HAVCR2: variants seen among roughly 807,000 people sequenced by gnomAD.
HAVCR2 encodes hepatitis A virus cellular receptor 2.
HAVCR2 carries 13 observed loss-of-function variants against 24.7 expected under a neutral mutation model. That is an observed-to-expected ratio of 0.53 (90% CI 0.34 to 0.84). The LOEUF (loss-of-function observed/expected upper bound fraction) is 0.84. Among genes scored for constraint, HAVCR2 ranks in the 40% least tolerant of loss-of-function variants. HAVCR2 has a pLI of 0.01. For synonymous variants in HAVCR2, 154 were observed against 143.4 expected, an observed-to-expected ratio of 1.07 and a Z score of -0.53; for missense variants, 343 against 371.2, an observed-to-expected ratio of 0.92 and a Z score of 0.62.
chr5:157,093,210 C>T (rs1205756311), intron 5 of HAVCR2, among the ~76,000 whole-genome samples: 1 of 151,612 alleles, frequency 6.6e-6, no homozygotes, highest in Admixed American at 6.6e-5. Flanking sequence ...TCTGAATAAT[C>T]CATTTAACCA....
At chr5:157,097,553 C>T (rs1757109784) in intron 4 of HAVCR2, among the ~76,000 whole-genome samples, 2 of 152,132 alleles carry the variant, frequency 1.3e-5, no homozygotes, top group Admixed American at 1.3e-4. Flanking sequence ...AGACACTGTG[C>T]CCGGCCTCCT....
At chr5:157,104,246 A>G (rs1471355234) in intron 3 of HAVCR2, among the ~76,000 whole-genome samples, 2 of 152,180 alleles carry the variant, frequency 1.3e-5, no homozygotes, top group Non-Finnish European at 2.9e-5. Flanking sequence ...AGGGAAGGTG[A>G]TGGGCTTTAT....
chr5:157,095,200 C>T, intron 5 of HAVCR2, 106 bp downstream of exon 5: 1 of 1,196,830 alleles, frequency 8.4e-7, no homozygotes. Context: ...GGTATTTAGT[C>T]TAATCATCTT....
In HAVCR2 at chr5:157,104,730, C is replaced by A. The variant is rs374195415; in HGVS notation, c.414G>T (p.Pro138=). The change falls in exon 3 of 7, where the codon CCG becomes CCT. Residue 138 remains proline, a synonymous_variant. Transcript: ENST00000307851. ...VIKPAKVTPA[P]TRQRDFTAAF... is the part of the protein sequence containing the mutation. The stretch of plus-strand genomic sequence containing the variant: ...CTGCAGTGAAGTCTCTCTGCCGAGT[C>A]GGTGCAGGGGTGACCTTGGCTAATG... 6.8e-5 allele frequency: 109 copies of A among 1,599,430 alleles called. No homozygotes were observed. Among genetic ancestry groups the A allele is most frequent in the Non-Finnish European group, 8.9e-5 (104 of 1,171,884 alleles).
chr5:157,098,929 GA>G, intron 3 of HAVCR2, 28 bp from the exon 4 acceptor site: 1 of 1,594,822 alleles, frequency 6.3e-7, no homozygotes, highest in South Asian at 1.1e-5. Context: ...GAGAGAGAGA[GA>G]GGAAAAATAG....
chr5:157,103,347 G>T (rs975342215), intron 3 of HAVCR2, among the ~76,000 whole-genome samples: 1 of 148,528 alleles, frequency 6.7e-6, no homozygotes, highest in African/African-American at 2.5e-5. Flanking sequence ...CTCTAGTCTG[G>T]GTGACAGAGC....
chr5:157,089,524 G>A (rs1270492730), intron 5 of HAVCR2, among the ~76,000 whole-genome samples: 4 of 141,362 alleles, frequency 2.8e-5, no homozygotes, highest in African/African-American at 5.2e-5. Flanking sequence ...CAACGAGAGC[G>A]AAACTCCGTC....
chr5:157,096,767 A>G (rs1329447215), intron 4 of HAVCR2, among the ~76,000 whole-genome samples: 4 of 151,910 alleles, frequency 2.6e-5, no homozygotes, highest in Non-Finnish European at 4.4e-5. Flanking sequence ...ACAAGAGCAA[A>G]ACTCCATCTC....
At chr5:157,087,888 G>A (rs1246118409) in intron 6 of HAVCR2, among the ~76,000 whole-genome samples, 2 of 145,094 alleles carry the variant, frequency 1.4e-5, no homozygotes, top group African/African-American at 5.2e-5. Context: ...GGGTGACAGA[G>A]CCAGACTCCG....
chr5:157,089,518 G>A (rs1217835393), intron 5 of HAVCR2, among the ~76,000 whole-genome samples: 4 of 148,292 alleles, frequency 2.7e-5, no homozygotes, highest in East Asian at 4.0e-4. Context: ...CCTGGGCAAC[G>A]AGAGCGAAAC....
chr5:157,087,256 G>T lies in HAVCR2; in HGVS notation c.752C>A (p.Ala251Glu). Residue 251 changes from alanine (A) to glutamate (E), a missense_variant, in exon 7 of 7, where the codon GCA (alanine) becomes GAA (glutamate). By Grantham distance (107) the Ala-to-Glu change is moderately radical (BLOSUM62 -1). Transcript: ENST00000307851. ...GCGAATTCCCTCTGCTACTGCATTT[G>T]CCAATCCTGAGGGAGGGAGGTTGGC... ...SLANLPPSGL[A>E]NAVAEGIRSE... The T allele has an allele frequency of 6.2e-7, 1 of 1,612,360 alleles. No individual in the cohort carries two copies.
chr5:157,090,890 A>C (rs1312765796), intron 5 of HAVCR2, among the ~76,000 whole-genome samples: 2 of 152,100 alleles, frequency 1.3e-5, no homozygotes, highest in Non-Finnish European at 2.9e-5. Context: ...TGTGTCACCC[A>C]GGCTAGAATG....
chr5:157,091,736 A>G (rs1757006101), intron 5 of HAVCR2, among the ~76,000 whole-genome samples: 1 of 152,240 alleles, frequency 6.6e-6, no homozygotes, highest in Non-Finnish European at 1.5e-5. Context: ...AAAGGGATAA[A>G]AAGAAGGATG....
Position 157,104,698 on chromosome 5 carries a change from G to A in HAVCR2, c.446C>T (p.Pro149Leu), listed in dbSNP as rs757961030. The change falls in exon 3 of 7, where the codon CCA becomes CTA. Residue 149 changes from proline to leucine, a missense_variant. Pro to Leu is a moderately conservative substitution (Grantham distance 98, BLOSUM62 -3). Coordinates refer to ENST00000307851, the MANE Select transcript of HAVCR2 (RefSeq NM_032782.5). ...ATGTCCCCTGGTGGTAAGCATCCTT[G>A]GAAAGGCTGCAGTGAAGTCTCTCTG... ...TRQRDFTAAF[P>L]RMLTTRGHGP... 2 of 1,604,846 alleles carry A rather than the reference G, an allele frequency of 1.2e-6. No homozygotes were observed. The highest frequency in any genetic ancestry group is 1.7e-5 in the Admixed American group (1 of 58,988).
intron 3 of HAVCR2, among the ~76,000 whole-genome samples, chr5:157,102,071 G>C (rs1486576387): frequency 6.6e-6 from 1 of 151,226 alleles, no homozygotes; most frequent in African/African-American, 2.4e-5. Context: ...TGAGTAGCTG[G>C]AATTATAGGC....
At chr5:157,089,297 G>T (rs868305607) in intron 5 of HAVCR2, among the ~76,000 whole-genome samples, 1 of 152,126 alleles carries the variant, frequency 6.6e-6, no homozygotes, top group African/African-American at 2.4e-5. Context: ...TCTCCTGTGG[G>T]AGACCAAAGA....
intron 5 of HAVCR2, among the ~76,000 whole-genome samples, chr5:157,093,190 A>G (rs1309656545): frequency 6.6e-6 from 1 of 151,842 alleles, no homozygotes; most frequent in African/African-American, 2.4e-5. Flanking sequence ...TGGGTGGGGT[A>G]GTTTCTTTTT....
chr5:157,090,846 T>A (rs1372119594), intron 5 of HAVCR2, among the ~76,000 whole-genome samples: 1 of 152,134 alleles, frequency 6.6e-6, no homozygotes, highest in Non-Finnish European at 1.5e-5. Context: ...AATCTTCTGT[T>A]GTTGTTTTTC....
chr5:157,099,707 T>C (rs1211883317), intron 3 of HAVCR2, among the ~76,000 whole-genome samples: 1 of 152,002 alleles, frequency 6.6e-6, no homozygotes, highest in Non-Finnish European at 1.5e-5. Flanking sequence ...CTTTTTTTTC[T>C]TTTTGCGAGA....
Sources: allele counts gnomAD v4.1 joint callset (sites outside exome capture counted in the v4.1 genomes callset), GRCh38; gene constraint gnomAD v4.1.1; transcripts MANE v1.5; gene names NCBI Gene and HGNC (gene_info 2026-07-23, HGNC 2026-07-21).